The following PRKCE variants were observed in gnomAD, a reference collection of about 807,000 sequenced individuals.
PRKCE encodes protein kinase C epsilon.
Under a neutral mutation model 85.4 loss-of-function variants are expected in PRKCE, and 16 were observed. The observed-to-expected ratio is 0.19, with a 90% CI of 0.13 to 0.28. The LOEUF is 0.28. Ranked by LOEUF, PRKCE falls within the 10% of genes least tolerant of loss-of-function variation. The pLI, the probability that PRKCE is intolerant of heterozygous loss-of-function variation, is 1.00. For synonymous variants in PRKCE, 388 were observed against 371.5 expected (o/e 1.04, Z -0.51); for missense variants, 573 against 975.2 (o/e 0.59, Z 5.49).
At chr2:45,849,567 C>A (rs573559508) in intron 2 of PRKCE, among the ~76,000 whole-genome samples, 3 of 152,250 alleles carry the variant, frequency 2.0e-5, no homozygotes, top group Non-Finnish European at 4.4e-5. Flanking sequence ...AAACAGGGGA[C>A]CTCAAAGCCA....
At chr2:46,113,094 A>G (rs1270884808) in intron 11 of PRKCE, among the ~76,000 whole-genome samples, 3 of 152,226 alleles carry the variant, frequency 2.0e-5, no homozygotes, top group Non-Finnish European at 2.9e-5. Flanking sequence ...AACCATTAAT[A>G]TAATTACTGT....
At chr2:46,158,829 C>A (rs527703945) in intron 13 of PRKCE, among the ~76,000 whole-genome samples, 1 of 152,076 alleles carries the variant, frequency 6.6e-6, no homozygotes, top group African/African-American at 2.4e-5. Context: ...TATTGGTATA[C>A]GTATGCTCAA....
intron 1 of PRKCE, among the ~76,000 whole-genome samples, chr2:45,775,738 C>T (rs1019735871): frequency 1.3e-5 from 2 of 152,290 alleles, no homozygotes; most frequent in Non-Finnish European, 1.5e-5. Flanking sequence ...GCATGATCCT[C>T]GGGTTACGTT....
Position 46,086,203 on chromosome 2 carries a change from T to A in PRKCE, c.1438-5T>A. The A allele has an allele frequency of 6.3e-7, 1 of 1,599,580 alleles. No individual in the cohort carries two copies. Among genetic ancestry groups the A allele is most frequent in the Non-Finnish European group, 8.5e-7 (1 of 1,179,878 alleles). ...CCCAAATGGCATTTTCTTCTCTCCT[T>A]TCAGGACCGCCTCTTTTTCGTCATG... On this transcript the variant is annotated splice_region_variant and splice_polypyrimidine_tract_variant and intron_variant, in intron 10 of 14. Transcript: ENST00000306156.
At chr2:45,883,748 G>T (rs1193663784) in intron 2 of PRKCE, among the ~76,000 whole-genome samples, 1 of 152,198 alleles carries the variant, frequency 6.6e-6, no homozygotes, top group East Asian at 1.9e-4. Context: ...ATGCTGGAAG[G>T]AAGGACAAAT....
At chr2:45,656,603 A>G (rs1558530348) in intron 1 of PRKCE, among the ~76,000 whole-genome samples, 3 of 152,270 alleles carry the variant, frequency 2.0e-5, no homozygotes, top group Non-Finnish European at 4.4e-5. Context: ...GTACATAAGA[A>G]TCAGTAAGGG....
intron 10 of PRKCE, among the ~76,000 whole-genome samples, chr2:46,038,349 A>G (rs1708003400): frequency 6.6e-6 from 1 of 152,070 alleles, no homozygotes. Flanking sequence ...AGAAATCTAA[A>G]CTAGGAAAAA....
intron 1 of PRKCE, among the ~76,000 whole-genome samples, chr2:45,783,808 C>G (rs763628547): frequency 3.3e-5 from 5 of 152,188 alleles, no homozygotes; most frequent in African/African-American, 4.8e-5. Context: ...TGTGCAAGCT[C>G]TAGAGCCCTA....
chr2:46,029,378 C>A (rs1558980458), intron 10 of PRKCE, among the ~76,000 whole-genome samples: 1 of 152,144 alleles, frequency 6.6e-6, no homozygotes, highest in Non-Finnish European at 1.5e-5. Context: ...TTTTCCACAA[C>A]TTTTTTATTT....
intron 3 of PRKCE, among the ~76,000 whole-genome samples, chr2:45,977,204 T>A (rs1463614191): frequency 6.6e-6 from 1 of 152,160 alleles, no homozygotes; most frequent in African/African-American, 2.4e-5. Flanking sequence ...GCTGATTGTG[T>A]GTTTTTAAAA....
intron 12 of PRKCE, among the ~76,000 whole-genome samples, chr2:46,150,438 T>C (rs924282232): frequency 6.6e-6 from 1 of 152,126 alleles, no homozygotes; most frequent in African/African-American, 2.4e-5. Context: ...TGATGAACAA[T>C]AGAGATGGGT....
At chr2:45,754,732 C>T (rs886313224) in intron 1 of PRKCE, among the ~76,000 whole-genome samples, 3 of 152,238 alleles carry the variant, frequency 2.0e-5, no homozygotes, top group African/African-American at 4.8e-5. Context: ...AAAGGTCCCT[C>T]GCTGCAATTT....
intron 1 of PRKCE, among the ~76,000 whole-genome samples, chr2:45,807,582 A>G (rs1424093420): frequency 1.3e-5 from 2 of 152,170 alleles, no homozygotes; most frequent in African/African-American, 4.8e-5. Context: ...ACAAATCATG[A>G]CTTCCACTCC....
chr2:45,960,573 C>A (rs1306424206), intron 2 of PRKCE, among the ~76,000 whole-genome samples: 2 of 152,126 alleles, frequency 1.3e-5, no homozygotes, highest in Non-Finnish European at 2.9e-5. Flanking sequence ...TCTAATGCTG[C>A]TGCTGGTCTG....
At chr2:45,913,788 G>A (rs1206729977) in intron 2 of PRKCE, among the ~76,000 whole-genome samples, 3 of 152,234 alleles carry the variant, frequency 2.0e-5, no homozygotes, top group East Asian at 3.8e-4. Context: ...TGTCTAGTGT[G>A]TAGTCAGGGA....
intron 10 of PRKCE, among the ~76,000 whole-genome samples, chr2:46,069,653 A>T (rs1223451970): frequency 6.6e-6 from 1 of 152,204 alleles, no homozygotes; most frequent in African/African-American, 2.4e-5. Flanking sequence ...AAACTAAATC[A>T]TTGCATAATC....
At chr2:46,177,965 T>C (rs1226288097) in intron 14 of PRKCE, among the ~76,000 whole-genome samples, 1 of 151,952 alleles carries the variant, frequency 6.6e-6, no homozygotes, top group Non-Finnish European at 1.5e-5. Flanking sequence ...AGGATATGGA[T>C]TTAAAAAAAA....
intron 14 of PRKCE, among the ~76,000 whole-genome samples, chr2:46,178,280 C>T (rs983175656): frequency 6.6e-6 from 1 of 152,222 alleles, no homozygotes; most frequent in Admixed American, 6.5e-5. Flanking sequence ...TAGAGCACTG[C>T]CATGGACTCC....
At chr2:45,884,999 A>ATTTTTT (rs1265565855) in intron 2 of PRKCE, among the ~76,000 whole-genome samples, 8 of 63,266 alleles carry the variant, frequency 1.3e-4, no homozygotes, top group Non-Finnish European at 1.9e-4. Context: ...ATATATATAT[A>ATTTTTT]TATTTGTTGT....
Sources: gnomAD v4.1 joint callset for allele counts (sites outside exome capture counted in the v4.1 genomes callset) on GRCh38, gnomAD v4.1.1 for gene constraint, MANE v1.5 for transcripts, NCBI Gene and HGNC (gene_info 2026-07-23, HGNC 2026-07-21) for gene names.